The following UGT1A3 variants were observed in gnomAD, a reference collection of about 807,000 sequenced individuals.
UGT1A3 encodes UDP glucuronosyltransferase family 1 member A3.
In UGT1A3, 31 loss-of-function variants were observed where a neutral mutation model predicts 41.0. The observed-to-expected ratio is 0.76, with a 90% CI of 0.57 to 1.02. UGT1A3 has a LOEUF of 1.02. Among genes scored for constraint, UGT1A3 ranks in the 50% least tolerant of loss-of-function variants. The pLI is 0.00. For synonymous variants in UGT1A3, 262 were observed against 257.6 expected, an observed-to-expected ratio of 1.02 and a Z score of -0.17; for missense variants, 737 against 671.0, an observed-to-expected ratio of 1.10 and a Z score of -1.09.
chr2:233,747,198 C>T (rs375624902), intron 1 of UGT1A3: 21 of 1,604,164 alleles, frequency 1.3e-5, no homozygotes, highest in Non-Finnish European at 1.8e-5. Context: ...GTCAGCTGTC[C>T]GTGTCTTCTG....
chr2:233,765,482 C>T (rs1647966215), intron 1 of UGT1A3, among the ~76,000 whole-genome samples: 1 of 152,108 alleles, frequency 6.6e-6, no homozygotes, highest in South Asian at 2.1e-4. Context: ...TGGAAGCCAT[C>T]ATCCTCCACA....
chr2:233,732,507 C>A (rs2125772065), intron 1 of UGT1A3, among the ~76,000 whole-genome samples: 1 of 152,338 alleles, frequency 6.6e-6, no homozygotes, highest in Admixed American at 6.5e-5. Context: ...GGAAGGGATC[C>A]TGTTCCAGCT....
Position 233,768,056 on chromosome 2 carries a change from T to G in UGT1A3, c.1087+120T>G, listed in dbSNP as rs35523971. The G allele has an allele frequency of 3.2e-4, 515 of 1,603,390 alleles. No homozygotes were observed. In the African/African-American group the frequency reaches 5.5e-3, roughly 17 times the overall value. On this transcript the variant is annotated intron_variant, in intron 3 of 4. Transcript: ENST00000482026. The stretch of plus-strand genomic sequence containing the variant: ...ATATTATGGCCAACATATCCTACAT[T>G]GCTTTTTATCTAGTGGGGTATCTCA...
chr2:233,733,312 C>T, intron 1 of UGT1A3, among the ~76,000 whole-genome samples: 1 of 152,116 alleles, frequency 6.6e-6, no homozygotes, highest in Non-Finnish European at 1.5e-5. Context: ...CTTTCTCTTG[C>T]CTGATTGCCC....
At chr2:233,740,478 C>T (rs1295883834) in intron 1 of UGT1A3, among the ~76,000 whole-genome samples, 1 of 151,898 alleles carries the variant, frequency 6.6e-6, no homozygotes, top group African/African-American at 2.4e-5. Flanking sequence ...AAGGATCATT[C>T]CCTCTTCCAG....
rs1294675830 is a variant in UGT1A3 at position 233,743,947 on chromosome 2, T to C, written c.867+13954T>C. The C allele has an allele frequency of 8.9e-6, 12 of 1,348,380 alleles. No individual in the cohort carries two copies. In the Admixed American group the frequency reaches 2.3e-4, roughly 26 times the overall value. The allele number at this position is 1,348,380 out of a possible 1,614,324, so 83.5% of individuals were successfully genotyped here. A position where few individuals can be genotyped will look rare whatever the true frequency, so the allele number is the denominator to read the frequency against. Reference sequence around the variant, plus strand: ...ATGGCCAGAACGGCCCACCAGGCACTGGCACAGCGAGCGGCAAGGCTGCCA... The same window carrying C: ...ATGGCCAGAACGGCCCACCAGGCACCGGCACAGCGAGCGGCAAGGCTGCCA... On this transcript the variant is annotated intron_variant, in intron 1 of 4. Coordinates refer to ENST00000482026, the MANE Select transcript of UGT1A3 (RefSeq NM_019093.4).
At chr2:233,738,562 T>A (rs1039423006) in intron 1 of UGT1A3, among the ~76,000 whole-genome samples, 1 of 152,186 alleles carries the variant, frequency 6.6e-6, no homozygotes, top group Admixed American at 6.5e-5. Context: ...AGATGAGGAA[T>A]CTGTTGAGAA....
chr2:233,755,122 C>T, intron 1 of UGT1A3: 1 of 1,328,086 alleles, frequency 7.5e-7, no homozygotes, highest in Non-Finnish European at 1.0e-6. Flanking sequence ...TAGGCCTCAG[C>T]CACCTGCTTG....
chr2:233,772,116 AAACAAC>A, intron 4 of UGT1A3, 140 bp from the exon 5 acceptor site: 1 of 1,531,302 alleles, frequency 6.5e-7, no homozygotes, highest in Non-Finnish European at 8.8e-7. Context: ...CTGTATCTAA[AAACAAC>A]AACAACAACA....
chr2:233,750,221 T>C (rs1694392480), intron 1 of UGT1A3, among the ~76,000 whole-genome samples: 1 of 151,858 alleles, frequency 6.6e-6, no homozygotes, highest in Non-Finnish European at 1.5e-5. Context: ...CAGATGGAGA[T>C]GAGGAACTTA....
At chr2:233,742,513 G>A (rs934347498) in intron 1 of UGT1A3, among the ~76,000 whole-genome samples, 9 of 151,822 alleles carry the variant, frequency 5.9e-5, no homozygotes, top group Non-Finnish European at 1.2e-4. Flanking sequence ...TCATGAACAC[G>A]TCACAGTGCT....
chr2:233,762,875 C>T (rs1698183827), intron 1 of UGT1A3, among the ~76,000 whole-genome samples: 1 of 152,150 alleles, frequency 6.6e-6, no homozygotes, highest in African/African-American at 2.4e-5. Flanking sequence ...TTGGTTTCTT[C>T]TCTTATAAAT....
At position 233,752,043 on chromosome 2, in the gene UGT1A3, T is replaced by C. The variant is rs1333661781; in HGVS notation, c.868-14991T>C. Among the ~76,000 whole-genome samples the C allele has an allele frequency of 2.0e-5, 3 of 152,216 alleles. No homozygotes were observed. The South Asian group carries it at 6.2e-4, about 32-fold the overall frequency. ...AGAAATTCCTAGAAAGGTAAGCTGT[T>C]GTGTGAATGATTTCCCGAGATGGGG... On this transcript the variant is annotated intron_variant, in intron 1 of 4. Coordinates refer to ENST00000482026, the MANE Select transcript of UGT1A3 (RefSeq NM_019093.4).
At chr2:233,735,872 G>C (rs1314533195) in intron 1 of UGT1A3, among the ~76,000 whole-genome samples, 1 of 152,196 alleles carries the variant, frequency 6.6e-6, no homozygotes, top group Non-Finnish European at 1.5e-5. Context: ...TTTCTGCAGA[G>C]AGATCTGCTG....
chr2:233,765,354 C>T (rs147489068), intron 1 of UGT1A3, among the ~76,000 whole-genome samples: 102 of 152,262 alleles, frequency 6.7e-4, no homozygotes, highest in African/African-American at 2.3e-3. Context: ...ATGGAACCAA[C>T]CCAGATGCCC....
Position 233,772,327 on chromosome 2 carries a change from T to A in UGT1A3, c.1373T>A (p.Leu458Gln), listed in dbSNP as rs527798161. The A allele has an allele frequency of 6.2e-7, 1 of 1,614,262 alleles. No homozygotes were observed. The highest frequency in any genetic ancestry group is 1.3e-5 in the African/African-American group (1 of 75,072). The change falls in exon 5 of 5, where the codon CTG becomes CAG. Residue 458 changes from leucine to glutamine, a missense_variant. Leu to Gln is a moderately radical substitution (Grantham distance 113, BLOSUM62 -2). Transcript: ENST00000482026. ...HKDRPVEPLD[L>Q]AVFWVEFVMR... ...GACCGCCCGGTGGAGCCGCTGGACC[T>A]GGCCGTGTTCTGGGTGGAGTTTGTG...
At chr2:233,742,793 T>C (rs1266813463) in intron 1 of UGT1A3, 1 of 152,996 alleles carries the variant, frequency 6.5e-6, no homozygotes, top group Non-Finnish European at 1.5e-5. Context: ...ATCATTAAAT[T>C]AAGCCAGAAG....
At chr2:233,744,382 C>T (rs1464518756) in intron 1 of UGT1A3, among the ~76,000 whole-genome samples, 13 of 151,968 alleles carry the variant, frequency 8.6e-5, no homozygotes, top group Non-Finnish European at 1.3e-4. Flanking sequence ...AGTTCTCCAA[C>T]GTTCCAGCCC....
intron 3 of UGT1A3, 42 bp downstream of exon 3, chr2:233,767,978 A>G: frequency 3.1e-6 from 5 of 1,614,204 alleles, no homozygotes; most frequent in Non-Finnish European, 4.2e-6. Flanking sequence ...ACCAGGGTCA[A>G]ATTAAGAAAA....
Sources: gnomAD v4.1 joint callset for allele counts (sites outside exome capture counted in the v4.1 genomes callset) on GRCh38, gnomAD v4.1.1 for gene constraint, MANE v1.5 for transcripts, NCBI Gene and HGNC (gene_info 2026-07-23, HGNC 2026-07-21) for gene names.